The following FGFR4 variants were observed in gnomAD, a reference collection of about 807,000 sequenced individuals.
FGFR4 encodes the protein hydroxyaryl-protein kinase.
Under a neutral mutation model 89.9 loss-of-function variants are expected in FGFR4, and 63 were observed. That is an observed-to-expected ratio of 0.70 (90% CI 0.57 to 0.86). The LOEUF (loss-of-function observed/expected upper bound fraction) is 0.86, where lower values mean the gene tolerates loss of function less well. FGFR4 is among the 40% of genes least tolerant of loss of function. The pLI is 0.00. For missense variants in FGFR4, 928 were observed against 1,106.7 expected (o/e 0.84, Z 2.29); for synonymous variants, 486 against 479.4 (o/e 1.01, Z -0.18).
chr5:177,091,246 T>G (rs1179364671), intron 5 of FGFR4, 142 bp downstream of exon 5: 12 of 1,017,548 alleles, frequency 1.2e-5, no homozygotes, highest in Non-Finnish European at 2.8e-6. Flanking sequence ...ACTGTGGACC[T>G]GGGCAGCTCT....
chr5:177,090,343 C>G, intron 2 of FGFR4, 47 bp from the exon 3 acceptor site: 1 of 1,599,064 alleles, frequency 6.3e-7, no homozygotes, highest in Non-Finnish European at 8.5e-7. Flanking sequence ...AGGAGGCTGC[C>G]TCAGATGGGG....
intron 2 of FGFR4, chr5:177,089,951 T>C (rs1236609227): frequency 2.9e-6 from 2 of 695,050 alleles, no homozygotes; most frequent in Non-Finnish European, 5.2e-6. Context: ...GTGAGCTCCT[T>C]ACCTGGGTGT....
In FGFR4 at chr5:177,097,373, G is replaced by A. The variant is rs1784643141; in HGVS notation, c.2235G>A (p.Lys745=). The change falls in exon 17 of 18, where the codon AAG becomes AAA. Residue 745 remains lysine (K), a synonymous_variant. Coordinates refer to ENST00000292408, the MANE Select transcript of FGFR4 (RefSeq NM_213647.3). The part of the protein sequence containing the change: ...TFKQLVEALD[K]VLLAVSEEYL... ...AGCAGCTGGTGGAGGCGCTGGACAA[G>A]GTCCTGCTGGCCGTCTCTGAGGAGG... 6.2e-7 allele frequency: 1 copy of A among 1,612,058 alleles called. No homozygotes were observed. The highest frequency in any genetic ancestry group is 1.3e-5 in the African/African-American group (1 of 74,962).
rs891468460 is a variant in FGFR4, at chr5:177,097,706, G to A, written c.*30G>A. On this transcript the variant is annotated 3_prime_UTR_variant, in exon 18 of 18. Coordinates refer to ENST00000292408, the MANE Select transcript of FGFR4 (RefSeq NM_213647.3). The stretch of plus-strand genomic sequence containing the variant: ...GGCTCAAGGCTGTGCAGGCACATAG[G>A]CTGGTGGCCTTGGGCCTTGGGGCTC... 1 of 1,606,186 alleles carries A rather than the reference G, an allele frequency of 6.2e-7. No individual in the cohort carries two copies. Among genetic ancestry groups the A allele is most frequent in the Non-Finnish European group, 8.5e-7 (1 of 1,175,222 alleles).
intron 6 of FGFR4, 22 bp from the exon 7 acceptor site, chr5:177,092,299 G>T: frequency 6.5e-7 from 1 of 1,533,968 alleles, no homozygotes; most frequent in Non-Finnish European, 8.8e-7. Flanking sequence ...GGTCAGGGTT[G>T]ACTGTCTCGC....
chr5:177,089,539 C>T lies in FGFR4; in HGVS notation c.-53-11C>T, dbSNP rs3135919. On this transcript the variant is annotated splice_polypyrimidine_tract_variant and intron_variant, in intron 1 of 17. Coordinates refer to ENST00000292408, the MANE Select transcript of FGFR4 (RefSeq NM_213647.3). ...ACGTGTAGCAGGAGCTCTTTTCCCT[C>T]CCTATTTTAGGAAGGCAGTTGGTGG... 14,113 of 1,556,708 alleles carry T rather than the reference C, an allele frequency of 9.1e-3. 99 individuals carry two copies. Among genetic ancestry groups the T allele is most frequent in the Middle Eastern group, 0.04 (234 of 5,818 alleles).
chr5:177,094,211 A>C (rs951371635), intron 11 of FGFR4, among the ~76,000 whole-genome samples: 40 of 152,128 alleles, frequency 2.6e-4, no homozygotes, highest in Non-Finnish European at 4.4e-4. Context: ...TCCCACCCTT[A>C]AACCTGCAAT....
chr5:177,092,942 G>A, intron 8 of FGFR4, 158 bp downstream of exon 8: 1 of 1,337,244 alleles, frequency 7.5e-7, no homozygotes, highest in Non-Finnish European at 1.0e-6. Flanking sequence ...CAGCCCCTCT[G>A]TGCCTCTCCA....
Position 177,090,993 on chromosome 5 carries a change from G to T in FGFR4, c.492G>T (p.Ala164=), listed in dbSNP as rs139194967. Residue 164 remains alanine (A), a synonymous_variant, in exon 5 of 18, where the codon GCG becomes GCT. Transcript: ENST00000292408. ...AGAAGAAACTGCATGCAGTACCTGC[G>T]GGGAACACCGTCAAGTTCCGCTGTC... ...RMEKKLHAVP[A]GNTVKFRCPA... The T allele has an allele frequency of 6.2e-7, 1 of 1,613,964 alleles. No homozygotes were observed. The highest frequency in any genetic ancestry group is 8.5e-7 in the Non-Finnish European group (1 of 1,179,862).
chr5:177,090,403 T>A lies in FGFR4; in HGVS notation c.105T>A (p.Ala35=), dbSNP rs373784652. 70 of 1,602,320 alleles carry A rather than the reference T, an allele frequency of 4.4e-5. No individual in the cohort carries two copies. Among genetic ancestry groups the A allele is most frequent in the Non-Finnish European group, 5.4e-5 (64 of 1,179,930 alleles). ...SEEVELEPCL[A]PSLEQQEQEL... Reference sequence around the variant, plus strand: ...CTCTGCCCACAGAGCCCTGCCTGGCTCCCAGCCTGGAGCAGCAAGAGCAGG... The same window carrying A: ...CTCTGCCCACAGAGCCCTGCCTGGCACCCAGCCTGGAGCAGCAAGAGCAGG... Residue 35 remains alanine, a synonymous_variant, in exon 3 of 18, where the codon GCT becomes GCA. Transcript: ENST00000292408.
intron 1 of FGFR4, among the ~76,000 whole-genome samples, chr5:177,088,970 C>T (rs1197746338): frequency 6.6e-6 from 1 of 152,172 alleles, no homozygotes; most frequent in African/African-American, 2.4e-5. Context: ...CTTTACAAAA[C>T]CGTGTGTGCC....
Position 177,097,785 on chromosome 5 carries a change from A to G in FGFR4, c.*109A>G. 2 of 1,398,184 alleles carry G rather than the reference A, an allele frequency of 1.4e-6. No homozygotes were observed. Among genetic ancestry groups the G allele is most frequent in the Non-Finnish European group, 1.9e-6 (2 of 1,044,002 alleles). 86.6% of individuals were successfully genotyped at this position (1,398,184 alleles called of 1,614,324 possible). ...TGATAGCATGGGGCCCCTGGCCCAG[A>G]GTTGCTGTGCCGTGTCCAAGGGCCG... On this transcript the variant is annotated 3_prime_UTR_variant, in exon 18 of 18. Coordinates refer to ENST00000292408, the MANE Select transcript of FGFR4 (RefSeq NM_213647.3).
intron 15 of FGFR4, 81 bp downstream of exon 15, chr5:177,096,438 G>A (rs1784564896): frequency 6.4e-7 from 1 of 1,562,504 alleles, no homozygotes; most frequent in Non-Finnish European, 8.8e-7. Context: ...CAGGAGTCAT[G>A]CGCTCGAGGG....
rs770501457 is a variant in FGFR4 at position 177,093,099 on chromosome 5, C to G, written c.1058-39C>G. 3 of 1,613,352 alleles carry G rather than the reference C, an allele frequency of 1.9e-6. No homozygotes were observed. In the South Asian group the frequency reaches 3.3e-5, roughly 18 times the overall value. On this transcript the variant is annotated intron_variant, in intron 8 of 17. Coordinates refer to ENST00000292408, the MANE Select transcript of FGFR4 (RefSeq NM_213647.3). This position sits in a 1 kb window ranked among gnomAD's most constrained non-coding sequence, Gnocchi z 5.8. ...ACGGGGCGGCCAGTCTCACCACTGA[C>G]CAGTTTGTCTGTCTGTGTGTGTCCA...
rs1784439648 is a variant in FGFR4 at position 177,093,420 on chromosome 5, A to T, written c.1266A>T (p.Ser422=). The T allele has an allele frequency of 6.2e-7, 1 of 1,614,094 alleles. No homozygotes were observed. Among genetic ancestry groups the T allele is most frequent in the Non-Finnish European group, 8.5e-7 (1 of 1,179,964 alleles). The change falls in exon 10 of 18, where the codon TCA becomes TCT. Residue 422 remains serine (S), a synonymous_variant. Transcript: ENST00000292408. This position sits in a 1 kb window ranked among gnomAD's most constrained non-coding sequence, Gnocchi z 5.8. The part of the protein sequence containing the change: ...FPLARQFSLE[S]GSSGKSSSSL... ...CCACTTTGCAGTTCTCCCTGGAGTC[A>T]GGCTCTTCCGGCAAGTCAAGCTCAT...
Position 177,087,728 on chromosome 5 carries a change from G to C in FGFR4, c.-54+651G>C. 2.5e-6 allele frequency: 2 copies of C among 806,702 alleles called. No homozygotes were observed. The highest frequency in any genetic ancestry group is 3.0e-6 in the Non-Finnish European group (2 of 666,712). The allele number at this position is 806,702 out of a possible 1,614,324, so 50.0% of individuals were successfully genotyped here. Reference sequence around the variant, plus strand: ...TCCCTGCCAAGCCGAGCTTGGTAGGGAGTTTTACCAAGGAGGATCCGACTG... The same window carrying C: ...TCCCTGCCAAGCCGAGCTTGGTAGGCAGTTTTACCAAGGAGGATCCGACTG... On this transcript the variant is annotated intron_variant, in intron 1 of 17. Transcript: ENST00000292408. This position sits in a 1 kb window ranked among gnomAD's most constrained non-coding sequence, Gnocchi z 6.1.
rs1160045067 is a variant in FGFR4, at chr5:177,095,115, T to C, written c.1520-215T>C. The C allele has an allele frequency of 1.8e-6, 1 of 565,608 alleles. No individual in the cohort carries two copies. The highest frequency in any genetic ancestry group is 2.0e-5 in the South Asian group (1 of 50,094). 35.0% of individuals were successfully genotyped at this position (565,608 alleles called of 1,614,324 possible). ...TACAGTTGCATCCTTGCAACTGCTG[T>C]GACAGGCAGGGTGTGACCCACTGCT... On this transcript the variant is annotated intron_variant, in intron 11 of 17. Coordinates refer to ENST00000292408, the MANE Select transcript of FGFR4 (RefSeq NM_213647.3). This position sits in a 1 kb window ranked among gnomAD's most constrained non-coding sequence, Gnocchi z 5.7.
In FGFR4 at chr5:177,096,854, GTCCTCCTCC is replaced by G. The variant is rs367627821; in HGVS notation, c.2153+119_2153+127del. 7 of 1,081,890 alleles carry G rather than the reference GTCCTCCTCC, an allele frequency of 6.5e-6. No individual in the cohort carries two copies. The African/African-American group carries it at 1.3e-4, about 20-fold the overall frequency. 67.0% of individuals were successfully genotyped at this position (1,081,890 alleles called of 1,614,324 possible). On this transcript the variant is annotated intron_variant, in intron 16 of 17. Transcript: ENST00000292408. ...AGGACAACACTAACAACAACTCCTCGTCCTCCTCCTCCTCTTCCTCTTCCTCCTCCTCCT... is the reference window on the plus strand; with the variant it reads ...AGGACAACACTAACAACAACTCCTCGTCCTCTTCCTCTTCCTCCTCCTCCT...
In FGFR4 at chr5:177,095,580, G is replaced by C; in HGVS notation, c.1678G>C (p.Glu560Gln). The change falls in exon 13 of 18, where the codon GAG becomes CAG. Residue 560 changes from glutamate (E) to glutamine (Q), a missense_variant. This residue lies in a region of FGFR4 where 741 missense variants were observed against 836.9 expected (regional missense o/e 0.89). Transcript: ENST00000292408. The surrounding 1 kb of genome is among the most constrained non-coding windows in gnomAD (Gnocchi z 5.7). ...VECAAKGNLR[E>Q]FLRARRPPGP... ...GTGCGCCGCCAAGGGAAACCTGCGG[G>C]AGTTCCTGCGGGCCCGGCGCCCCCC... The C allele has an allele frequency of 6.2e-7, 1 of 1,609,204 alleles. No individual in the cohort carries two copies. The highest frequency in any genetic ancestry group is 8.5e-7 in the Non-Finnish European group (1 of 1,178,442).
Sources: allele counts gnomAD v4.1 joint callset (sites outside exome capture counted in the v4.1 genomes callset), GRCh38; gene constraint gnomAD v4.1.1; regional missense constraint gnomAD v4.1.1; non-coding constraint Gnocchi (gnomAD v3.1); transcripts MANE v1.5; gene names NCBI Gene and HGNC (gene_info 2026-07-23, HGNC 2026-07-21).